SF3A2: variants seen among roughly 807,000 people sequenced by gnomAD.
The protein encoded by SF3A2 is splicing factor 3a subunit 2.
SF3A2 carries 5 observed loss-of-function variants against 31.1 expected under a neutral mutation model. The observed-to-expected ratio is 0.16, with a 90% CI of 0.08 to 0.34. The LOEUF (loss-of-function observed/expected upper bound fraction) is 0.34, where lower values mean the gene tolerates loss of function less well. Ranked by LOEUF, SF3A2 falls within the 10% of genes least tolerant of loss-of-function variation. SF3A2 has a pLI of 1.00. For synonymous variants in SF3A2, 365 were observed against 263.7 expected, an observed-to-expected ratio of 1.38 and a Z score of -3.72; for missense variants, 577 against 643.9, an observed-to-expected ratio of 0.90 and a Z score of 1.13.
chr19:2,248,142 C>T lies in SF3A2; in HGVS notation c.991C>T (p.Pro331Ser). The T allele has an allele frequency of 2.1e-6, 3 of 1,418,732 alleles. No individual in the cohort carries two copies. Among genetic ancestry groups the T allele is most frequent in the South Asian group, 1.2e-5 (1 of 80,426 alleles). The allele number at this position is 1,418,732 out of a possible 1,614,324, so 87.9% of individuals were successfully genotyped here. ...CCACCCACCAACCTCTGGGGTCCAC[C>T]CCCCAGCTCCTGGAGTCCACCCTCC... ...GVHPPTSGVHPPAPGVHPPAP... is the reference protein window; with the variant it reads ...GVHPPTSGVHSPAPGVHPPAP... Residue 331 changes from proline (P) to serine (S), a missense_variant, in exon 9 of 9, where the codon CCC becomes TCC. Around this residue, in one of 6 missense-constraint regions of SF3A2, gnomAD observed 462 missense variants for 339.1 expected, o/e 1.36. Coordinates refer to ENST00000221494, the MANE Select transcript of SF3A2 (RefSeq NM_007165.5).
intron 7 of SF3A2, chr19:2,247,347 C>G: frequency 3.5e-6 from 2 of 577,996 alleles, no homozygotes; most frequent in Non-Finnish European, 6.1e-6. Flanking sequence ...CTGGACAGGG[C>G]GGCCATCAGG....
Position 2,248,182 on chromosome 19 carries a change from AC to A in SF3A2, c.1034del (p.Pro345HisfsTer101). ...GTCCACCCTCCAGCCCCCGGGGTTCACCCACCAGCCCCCGGAGTCCACCCAC... is the reference window on the plus strand; with the variant it reads ...GTCCACCCTCCAGCCCCCGGGGTTCACCACCAGCCCCCGGAGTCCACCCAC... ...PGVHPPAPGVHPPAPGVHPPA... is the reference protein window; with the variant it reads ...PGVHPPAPGVXPPAPGVHPPA... On this transcript the variant is annotated frameshift_variant, in exon 9 of 9. Transcript: ENST00000221494. LOFTEE classifies it low-confidence loss of function (END_TRUNC). The A allele has an allele frequency of 7.2e-7, 1 of 1,389,556 alleles. No individual in the cohort carries two copies. The allele number at this position is 1,389,556 out of a possible 1,614,324, so 86.1% of individuals were successfully genotyped here.
Position 2,245,890 on chromosome 19 carries a change from T to C in SF3A2, c.355+335T>C. ...GGTGAGCCCTGGCACATCCCTCCGG[T>C]TAACCTTGAAGCCTTTGAAGGAGGA... On this transcript the variant is annotated intron_variant, in intron 5 of 8. Coordinates refer to ENST00000221494, the MANE Select transcript of SF3A2 (RefSeq NM_007165.5). This position sits in a 1 kb window ranked among gnomAD's most constrained non-coding sequence, Gnocchi z 4.2. 3.0e-6 allele frequency: 1 copy of C among 337,582 alleles called. No homozygotes were observed. The highest frequency in any genetic ancestry group is 5.6e-6 in the Non-Finnish European group (1 of 179,974). 20.9% of individuals were successfully genotyped at this position (337,582 alleles called of 1,614,324 possible). A position where few individuals can be genotyped will look rare whatever the true frequency, so the allele number is the denominator to read the frequency against.
chr19:2,242,901 C>G (rs1347075658), intron 1 of SF3A2, among the ~76,000 whole-genome samples: 1 of 152,194 alleles, frequency 6.6e-6, no homozygotes, highest in Admixed American at 6.5e-5. Context: ...AACAAATTTA[C>G]ATCGAGCCCA....
In SF3A2 at chr19:2,244,718, T is replaced by A. The variant is rs375763239; in HGVS notation, c.199-15T>A. 6.2e-7 allele frequency: 1 copy of A among 1,613,890 alleles called. No homozygotes were observed. The highest frequency in any genetic ancestry group is 1.3e-5 in the African/African-American group (1 of 74,932). On this transcript the variant is annotated splice_polypyrimidine_tract_variant and intron_variant, in intron 3 of 8. Transcript: ENST00000221494. ...CGCCCGGCCTCGAGTCATGCGTGTT[T>A]CCTTTCCACTCCAGGGGAGCTACCT...
chr19:2,246,863 C>T lies in SF3A2; in HGVS notation c.406-19C>T. 1.2e-6 allele frequency: 2 copies of T among 1,612,916 alleles called. No homozygotes were observed. Among genetic ancestry groups the T allele is most frequent in the Non-Finnish European group, 1.7e-6 (2 of 1,179,642 alleles). ...AGGCACCCAAGAGGCGGCTCTGCCA[C>T]CCGGCCGTGTCCCTGCAGATTGACT... On this transcript the variant is annotated intron_variant, in intron 6 of 8. Coordinates refer to ENST00000221494, the MANE Select transcript of SF3A2 (RefSeq NM_007165.5). This position sits in a 1 kb window ranked among gnomAD's most constrained non-coding sequence, Gnocchi z 5.5.
intron 1 of SF3A2, among the ~76,000 whole-genome samples, chr19:2,241,381 C>T (rs941326699): frequency 1.2e-4 from 18 of 152,212 alleles, no homozygotes; most frequent in African/African-American, 4.1e-4. Context: ...GAGGCAAGTG[C>T]GGCTGCGGCC....
In SF3A2 at chr19:2,248,163, C is replaced by CCTCCAGCCCCCGGAGTCCACA; in HGVS notation, c.1025_1026insAGTCCACACTCCAGCCCCCGG (p.His344_Pro345insThrProAlaProGlyValHis). ...CCACCCCCCAGCTCCTGGAGTCCAC[C>CCTCCAGCCCCCGGAGTCCACA]CTCCAGCCCCCGGGGTTCACCCACC... On this transcript the variant is annotated inframe_insertion, in exon 9 of 9. Coordinates refer to ENST00000221494, the MANE Select transcript of SF3A2 (RefSeq NM_007165.5). 1 of 1,478,366 alleles carries CCTCCAGCCCCCGGAGTCCACA rather than the reference C, an allele frequency of 6.8e-7. No individual in the cohort carries two copies. The highest frequency in any genetic ancestry group is 9.2e-7 in the Non-Finnish European group (1 of 1,091,918). 91.6% of individuals were successfully genotyped at this position (1,478,366 alleles called of 1,614,324 possible). A position where few individuals can be genotyped will look rare whatever the true frequency, so the allele number is the denominator to read the frequency against.
intron 1 of SF3A2, among the ~76,000 whole-genome samples, chr19:2,240,540 G>A (rs892177698): frequency 1.3e-5 from 2 of 152,212 alleles, no homozygotes; most frequent in Non-Finnish European, 2.9e-5. Flanking sequence ...TTGGTGAGTG[G>A]TTGAGTATTG....
In SF3A2 at chr19:2,246,181, G is replaced by A. The variant is rs975502550; in HGVS notation, c.356-572G>A. 1.3e-5 allele frequency among the ~76,000 whole-genome samples: 2 copies of A among 152,162 alleles called. No individual in the cohort carries two copies. Among genetic ancestry groups the A allele is most frequent in the Non-Finnish European group, 2.9e-5 (2 of 68,016 alleles). On this transcript the variant is annotated intron_variant, in intron 5 of 8. Transcript: ENST00000221494. This position sits in a 1 kb window ranked among gnomAD's most constrained non-coding sequence, Gnocchi z 5.5. The stretch of plus-strand genomic sequence containing the variant: ...CCGGGTGGGCGAGGGTGGCTAGAGC[G>A]GCAGGCTCCTGGTGGGGAGGCCCTG...
At chr19:2,239,037 A>G (rs775771592) in intron 1 of SF3A2, among the ~76,000 whole-genome samples, 2 of 152,058 alleles carry the variant, frequency 1.3e-5, no homozygotes, top group African/African-American at 2.4e-5. Context: ...TCATAGTTAG[A>G]AGTTTGGTGG....
At position 2,248,604 on chromosome 19, in the gene SF3A2, A is replaced by G; in HGVS notation, c.*58A>G. The G allele has an allele frequency of 2.2e-6, 1 of 453,326 alleles. No homozygotes were observed. Among genetic ancestry groups the G allele is most frequent in the Non-Finnish European group, 3.8e-6 (1 of 264,500 alleles). The allele number at this position is 453,326 out of a possible 1,614,324, so 28.1% of individuals were successfully genotyped here. ...CAGGTGCTCTTGCCTTTTCCCACTGAGAGAAGGCTGCTCTTTTGTACTGCC... is the reference window on the plus strand; with the variant it reads ...CAGGTGCTCTTGCCTTTTCCCACTGGGAGAAGGCTGCTCTTTTGTACTGCC... On this transcript the variant is annotated 3_prime_UTR_variant, in exon 9 of 9. Coordinates refer to ENST00000221494, the MANE Select transcript of SF3A2 (RefSeq NM_007165.5).
chr19:2,240,249 C>T (rs2024877498), intron 1 of SF3A2, among the ~76,000 whole-genome samples: 1 of 152,248 alleles, frequency 6.6e-6, no homozygotes, highest in Non-Finnish European at 1.5e-5. Context: ...CGCCAGACTT[C>T]CCGCTGCCCA....
Position 2,248,090 on chromosome 19 carries a change from T to C in SF3A2, c.939T>C (p.Pro313=). The change falls in exon 9 of 9, where the codon CCT becomes CCC. Residue 313 remains proline (P), a synonymous_variant. Coordinates refer to ENST00000221494, the MANE Select transcript of SF3A2 (RefSeq NM_007165.5). ...CTCCTGGCGTCCACCCCCCAGCTCCTGGCGTCCATCCCCCAGCCCCTGGGG... is the reference window on the plus strand; with the variant it reads ...CTCCTGGCGTCCACCCCCCAGCTCCCGGCGTCCATCCCCCAGCCCCTGGGG... ...PPAPGVHPPA[P]GVHPPAPGVH... 2 of 938,164 alleles carry C rather than the reference T, an allele frequency of 2.1e-6. No individual in the cohort carries two copies. Among genetic ancestry groups the C allele is most frequent in the Non-Finnish European group, 3.2e-6 (2 of 618,242 alleles). 58.1% of individuals were successfully genotyped at this position (938,164 alleles called of 1,614,324 possible). A position where few individuals can be genotyped will look rare whatever the true frequency, so the allele number is the denominator to read the frequency against.
At chr19:2,247,536 T>A in intron 7 of SF3A2, 58 bp from the exon 8 acceptor site, 3 of 1,578,246 alleles carry the variant, frequency 1.9e-6, no homozygotes, top group Non-Finnish European at 1.7e-6. Flanking sequence ...GCTCCCTGCC[T>A]GATGGTCGCC....
In SF3A2 at chr19:2,246,992, C is replaced by T. The variant is rs891083412; in HGVS notation, c.516C>T (p.Ala172=). The T allele has an allele frequency of 5.8e-6, 9 of 1,561,722 alleles. No homozygotes were observed. The highest frequency in any genetic ancestry group is 1.5e-5 in the African/African-American group (1 of 66,878). The change falls in exon 7 of 9, where the codon GCC becomes GCT. Residue 172 remains alanine (A), a synonymous_variant. Coordinates refer to ENST00000221494, the MANE Select transcript of SF3A2 (RefSeq NM_007165.5). This position sits in a 1 kb window ranked among gnomAD's most constrained non-coding sequence, Gnocchi z 5.5. ...GGCGCTGGCAGTACCTGCTCATGGC[C>T]GCCGAGCCCTACGAGACCATTGCCT... ...PDRRWQYLLM[A]AEPYETIAFK... is the part of the protein sequence containing the mutation.
At position 2,248,238 on chromosome 19, in the gene SF3A2, G is replaced by A. The variant is rs1326272543; in HGVS notation, c.1087G>A (p.Gly363Arg). Residue 363 changes from glycine (G) to arginine (R), a missense_variant, in exon 9 of 9, where the codon GGG becomes AGG. Around this residue, in one of 6 missense-constraint regions of SF3A2, gnomAD observed 462 missense variants for 339.1 expected, o/e 1.36. Coordinates refer to ENST00000221494, the MANE Select transcript of SF3A2 (RefSeq NM_007165.5). ...CCCTGGGGTTCACCCACCAGCCCCA[G>A]GGGTCCATCCTCCCCCATCAGCGGG... ...PAPGVHPPAPGVHPPPSAGVH... is the reference protein window; with the variant it reads ...PAPGVHPPAPRVHPPPSAGVH... 1.4e-5 allele frequency: 19 copies of A among 1,381,060 alleles called. 1 individual carries two copies. In the East Asian group the frequency reaches 2.9e-4, roughly 21 times the overall value. The allele number at this position is 1,381,060 out of a possible 1,614,324, so 85.6% of individuals were successfully genotyped here.
In SF3A2 at chr19:2,247,611, C is replaced by A; in HGVS notation, c.564C>A (p.Ile188=). ...CCTCCCAGGTGCCGAGCAGAGAGAT[C>A]GACAAGGCGGAGGGCAAGTTCTGGA... The part of the protein sequence containing the change: ...TIAFKVPSRE[I]DKAEGKFWTH... The change falls in exon 8 of 9, where the codon ATC becomes ATA. Residue 188 remains isoleucine, a synonymous_variant. Transcript: ENST00000221494. 1 of 1,613,374 alleles carries A rather than the reference C, an allele frequency of 6.2e-7. No individual in the cohort carries two copies. Among genetic ancestry groups the A allele is most frequent in the Non-Finnish European group, 8.5e-7 (1 of 1,179,756 alleles).
At chr19:2,243,806 G>A (rs1405301185) in intron 2 of SF3A2, among the ~76,000 whole-genome samples, 2 of 152,214 alleles carry the variant, frequency 1.3e-5, no homozygotes, top group Admixed American at 1.3e-4. Flanking sequence ...AATTTTCTGG[G>A]AGTGGGGAGA....
Sources: gnomAD v4.1 joint callset for allele counts (sites outside exome capture counted in the v4.1 genomes callset) on GRCh38, gnomAD v4.1.1 for gene constraint, gnomAD v4.1.1 regional missense constraint, Gnocchi (gnomAD v3.1) non-coding constraint, MANE v1.5 for transcripts, NCBI Gene and HGNC (gene_info 2026-07-23, HGNC 2026-07-21) for gene names.